The following RAD54L2 variants were observed in gnomAD, a reference collection of about 807,000 sequenced individuals.
RAD54L2 encodes helicase ARIP4.
In RAD54L2, 27 loss-of-function variants were observed where a neutral mutation model predicts 138.4. That is an observed-to-expected ratio of 0.20 (90% CI 0.14 to 0.27). The LOEUF is 0.27. Among genes scored for constraint, RAD54L2 ranks in the 10% least tolerant of loss-of-function variants. The pLI is 1.00. For missense variants in RAD54L2, 1,396 were observed against 1,890.2 expected (o/e 0.74, Z 4.85); for synonymous variants, 644 against 723.2 (o/e 0.89, Z 1.76).
chr3:51,550,190 C>T (rs951987223), intron 2 of RAD54L2, among the ~76,000 whole-genome samples: 5 of 152,144 alleles, frequency 3.3e-5, no homozygotes, highest in Non-Finnish European at 7.4e-5. Flanking sequence ...TGTGCTGCCT[C>T]CTAAGGGTCC....
chr3:51,575,222 CGGGTACCATGCT>C (rs1362151722), intron 2 of RAD54L2, among the ~76,000 whole-genome samples: 1 of 152,096 alleles, frequency 6.6e-6, no homozygotes, highest in Non-Finnish European at 1.5e-5. Context: ...TGTTTTGGTA[CGGGTACCATGCT>C]GTTTTGGTTA....
At chr3:51,615,206 G>A (rs1174696690) in intron 3 of RAD54L2, among the ~76,000 whole-genome samples, 1 of 151,998 alleles carries the variant, frequency 6.6e-6, no homozygotes, top group Admixed American at 6.6e-5. Flanking sequence ...GTAGAGATGG[G>A]GTTTCACCAT....
chr3:51,654,027 C>T (rs985418651), intron 19 of RAD54L2, among the ~76,000 whole-genome samples: 2 of 152,030 alleles, frequency 1.3e-5, no homozygotes, highest in Admixed American at 1.3e-4. Flanking sequence ...TTAGGTAAGA[C>T]ATTGACTTTT....
At position 51,645,238 on chromosome 3, in the gene RAD54L2, T is replaced by A. The variant is rs1241147860; in HGVS notation, c.2656+9T>A. ...CAAGCAGGGCATGTCAGGTGGGCCATCTTCCAGACTTCGGAGAGGCACATC... is the reference window on the plus strand; with the variant it reads ...CAAGCAGGGCATGTCAGGTGGGCCAACTTCCAGACTTCGGAGAGGCACATC... On this transcript the variant is annotated intron_variant, in intron 17 of 22. Coordinates refer to ENST00000684192, the MANE Select transcript of RAD54L2 (RefSeq NM_015106.4). The surrounding 1 kb of genome is among the most constrained non-coding windows in gnomAD (Gnocchi z 6.1). The A allele has an allele frequency of 5.6e-6, 9 of 1,602,600 alleles. No individual in the cohort carries two copies. The highest frequency in any genetic ancestry group is 7.7e-6 in the Non-Finnish European group (9 of 1,172,370).
chr3:51,638,494 C>T lies in RAD54L2; in HGVS notation c.1860+173C>T, dbSNP rs1295069618. On this transcript the variant is annotated intron_variant, in intron 12 of 22. Coordinates refer to ENST00000684192, the MANE Select transcript of RAD54L2 (RefSeq NM_015106.4). This position sits in a 1 kb window ranked among gnomAD's most constrained non-coding sequence, Gnocchi z 4.3. ...CAAGGAGAGAGGTGATGGTTTTGTA[C>T]CACATAACTCCTGGGGGTGCCATTC... 7 of 700,358 alleles carry T rather than the reference C, an allele frequency of 1.0e-5. No individual in the cohort carries two copies. Among genetic ancestry groups the T allele is most frequent in the Non-Finnish European group, 1.6e-5 (7 of 429,774 alleles). 43.4% of individuals were successfully genotyped at this position (700,358 alleles called of 1,614,324 possible).
chr3:51,635,510 C>A, intron 9 of RAD54L2, 83 bp from the exon 10 acceptor site: 1 of 1,386,374 alleles, frequency 7.2e-7, no homozygotes, highest in Non-Finnish European at 9.7e-7. Context: ...TGATTGTGAG[C>A]AATTCTTCCT....
intron 3 of RAD54L2, among the ~76,000 whole-genome samples, chr3:51,616,171 A>C (rs979463440): frequency 1.3e-5 from 2 of 152,168 alleles, no homozygotes; most frequent in African/African-American, 4.8e-5. Flanking sequence ...GAAATAATAC[A>C]GTAGAGTATT....
rs539319373 is a variant in RAD54L2, at chr3:51,663,903, G to A, written c.*483G>A. On this transcript the variant is annotated 3_prime_UTR_variant, in exon 23 of 23. Coordinates refer to ENST00000684192, the MANE Select transcript of RAD54L2 (RefSeq NM_015106.4). The stretch of plus-strand genomic sequence containing the variant: ...AGACTGTGATCCCATGTGAAGTGGG[G>A]TCTTTTTAGGGGGTGGGAAGGAAGC... 1 of 159,780 alleles carries A rather than the reference G, an allele frequency of 6.3e-6. No individual in the cohort carries two copies. Among genetic ancestry groups the A allele is most frequent in the Admixed American group, 6.1e-5 (1 of 16,508 alleles). 9.9% of individuals were successfully genotyped at this position (159,780 alleles called of 1,614,324 possible).
intron 2 of RAD54L2, among the ~76,000 whole-genome samples, chr3:51,561,280 C>G (rs557084299): frequency 2.0e-5 from 3 of 152,328 alleles, no homozygotes; most frequent in South Asian, 4.2e-4. Flanking sequence ...CAGAGTTGCT[C>G]TGTTACCCAG....
intron 19 of RAD54L2, among the ~76,000 whole-genome samples, 162 bp from the exon 20 acceptor site, chr3:51,655,809 A>G (rs1374625176): frequency 6.6e-6 from 1 of 152,148 alleles, no homozygotes; most frequent in East Asian, 1.9e-4. Flanking sequence ...CCTGCCTTCT[A>G]GTCTCCTTTT....
chr3:51,547,287 G>A (rs1340273776), intron 2 of RAD54L2, among the ~76,000 whole-genome samples: 1 of 151,910 alleles, frequency 6.6e-6, no homozygotes, highest in African/African-American at 2.4e-5. Flanking sequence ...GAGGCGGGAC[G>A]ATTGCCTGAA....
intron 3 of RAD54L2, among the ~76,000 whole-genome samples, chr3:51,625,373 G>A (rs1357919956): frequency 1.3e-5 from 2 of 152,152 alleles, no homozygotes; most frequent in African/African-American, 2.4e-5. Flanking sequence ...AGCTGAGATC[G>A]TGTCATTGTA....
chr3:51,593,341 A>G (rs907907999), intron 3 of RAD54L2, among the ~76,000 whole-genome samples: 1 of 119,720 alleles, frequency 8.4e-6, no homozygotes, highest in Non-Finnish European at 1.8e-5. Context: ...TTTTTTTTTT[A>G]TGTTTTTTTG....
Position 51,638,355 on chromosome 3 carries a change from G to T in RAD54L2, c.1860+34G>T. ...GGGCCTCAGGGAAGATTGAGATGGG[G>T]ACTAAGGATACACATGGTCCCAAGG... On this transcript the variant is annotated intron_variant, in intron 12 of 22. Coordinates refer to ENST00000684192, the MANE Select transcript of RAD54L2 (RefSeq NM_015106.4). The surrounding 1 kb of genome is among the most constrained non-coding windows in gnomAD (Gnocchi z 4.3). The T allele has an allele frequency of 1.2e-6, 2 of 1,610,352 alleles. No individual in the cohort carries two copies. Among genetic ancestry groups the T allele is most frequent in the East Asian group, 2.2e-5 (1 of 44,808 alleles).
At position 51,638,182 on chromosome 3, in the gene RAD54L2, A is replaced by G; in HGVS notation, c.1721A>G (p.Lys574Arg). 6.2e-7 allele frequency: 1 copy of G among 1,613,986 alleles called. No homozygotes were observed. ...HTVLKIHLPAKEENVILVRLS... is the reference protein window; with the variant it reads ...HTVLKIHLPAREENVILVRLS... ...GTGCTGAAGATTCATCTCCCTGCCA[A>G]GGAAGAAAATGTGATCCTTGTGCGG... is the stretch of plus-strand genomic sequence containing the variant. The change falls in exon 12 of 23, where the codon AAG becomes AGG. Residue 574 changes from lysine to arginine, a missense_variant. Around this residue, in one of 7 missense-constraint regions of RAD54L2, gnomAD observed 211 missense variants for 273.8 expected, o/e 0.77. Transcript: ENST00000684192. The surrounding 1 kb of genome is among the most constrained non-coding windows in gnomAD (Gnocchi z 4.3).
rs1024445060 is a variant in RAD54L2, at chr3:51,553,805, C to G, written c.-55+12155C>G. ...TATCATTGCACCACTGCGCTCTGGC[C>G]TGGGCGACAGAACAAGATCCTGTCT... On this transcript the variant is annotated intron_variant, in intron 2 of 22. Coordinates refer to ENST00000684192, the MANE Select transcript of RAD54L2 (RefSeq NM_015106.4). Among the ~76,000 whole-genome samples the G allele has an allele frequency of 4.6e-5, 7 of 152,278 alleles. No homozygotes were observed. In the East Asian group the frequency reaches 7.7e-4, roughly 17 times the overall value.
intron 2 of RAD54L2, among the ~76,000 whole-genome samples, chr3:51,582,989 TCTC>T (rs754787235): frequency 3.9e-5 from 6 of 152,098 alleles, no homozygotes; most frequent in Non-Finnish European, 8.8e-5. Flanking sequence ...ATGGTCTCGA[TCTC>T]CTGACCTCGT....
chr3:51,550,338 T>C (rs926678263), intron 2 of RAD54L2, among the ~76,000 whole-genome samples: 1 of 152,242 alleles, frequency 6.6e-6, no homozygotes, highest in Non-Finnish European at 1.5e-5. Context: ...TCATCCAGTC[T>C]GTTGCTCTTA....
At position 51,637,422 on chromosome 3, in the gene RAD54L2, T is replaced by C. The variant is rs746877630; in HGVS notation, c.1601T>C (p.Ile534Thr). Residue 534 changes from isoleucine to threonine, a missense_variant, in exon 11 of 23, where the codon ATT (isoleucine) becomes ACT (threonine). By Grantham distance (89) the Ile-to-Thr change is moderately conservative. This residue lies in a region of RAD54L2 where 36 missense variants were observed against 107.2 expected (regional missense o/e 0.34). Transcript: ENST00000684192. The surrounding 1 kb of genome is among the most constrained non-coding windows in gnomAD (Gnocchi z 5.9). The part of the protein sequence containing the change: ...FERPILNGQC[I>T]DSTPQDVRLM... ...CGCCCTATCCTGAATGGGCAATGTA[T>C]TGACAGCACACCTCAGGACGTCCGC... 1.2e-6 allele frequency: 2 copies of C among 1,613,960 alleles called. No individual in the cohort carries two copies.
Sources: gnomAD v4.1 joint callset for allele counts (sites outside exome capture counted in the v4.1 genomes callset) on GRCh38, gnomAD v4.1.1 for gene constraint, gnomAD v4.1.1 regional missense constraint, Gnocchi (gnomAD v3.1) non-coding constraint, MANE v1.5 for transcripts, NCBI Gene and HGNC (gene_info 2026-07-23, HGNC 2026-07-21) for gene names.